The following COL25A1 variants were observed in gnomAD, a reference collection of about 807,000 sequenced individuals.
The protein encoded by COL25A1 is collagen alpha-1(XXV) chain.
In COL25A1, 103 loss-of-function variants were observed where a neutral mutation model predicts 128.4. The observed-to-expected ratio is 0.80, with a 90% CI of 0.68 to 0.94. The LOEUF is 0.94. Among genes scored for constraint, COL25A1 ranks in the 40% least tolerant of loss-of-function variants. The probability of loss-of-function intolerance (pLI) is 0.00; values close to 1 mark genes in which losing one functional copy is unlikely to be tolerated. For synonymous variants in COL25A1, 279 were observed against 277.2 expected, an observed-to-expected ratio of 1.01 and a Z score of -0.06; for missense variants, 745 against 840.0, an observed-to-expected ratio of 0.89 and a Z score of 1.40.
intron 3 of COL25A1, among the ~76,000 whole-genome samples, chr4:109,238,354 T>C (rs1322004482): frequency 6.6e-6 from 1 of 152,018 alleles, no homozygotes; most frequent in Non-Finnish European, 1.5e-5. Context: ...TTTTGGCCCA[T>C]TATGATAATC....
chr4:109,087,532 C>T (rs1320875938), intron 3 of COL25A1, among the ~76,000 whole-genome samples: 1 of 152,134 alleles, frequency 6.6e-6, no homozygotes, highest in African/African-American at 2.4e-5. Flanking sequence ...TACATGCACA[C>T]ATCAAGAAAT....
intron 3 of COL25A1, among the ~76,000 whole-genome samples, chr4:109,075,288 C>A (rs1763285482): frequency 6.6e-6 from 1 of 151,904 alleles, no homozygotes; most frequent in Non-Finnish European, 1.5e-5. Flanking sequence ...CACTTTCTTT[C>A]CTATTATAAT....
intron 31 of COL25A1, among the ~76,000 whole-genome samples, chr4:108,836,215 T>A (rs188414898): frequency 6.6e-6 from 1 of 152,220 alleles, no homozygotes; most frequent in East Asian, 1.9e-4. Flanking sequence ...AAATATATAT[T>A]GTTGTTCATT....
chr4:108,872,953 T>C (rs1036922188), intron 19 of COL25A1, among the ~76,000 whole-genome samples: 1 of 152,034 alleles, frequency 6.6e-6, no homozygotes, highest in African/African-American at 2.4e-5. Flanking sequence ...AGTTCAGTGG[T>C]ATGATCATGG....
At chr4:108,948,008 T>G (rs557121504) in intron 8 of COL25A1, among the ~76,000 whole-genome samples, 1 of 152,330 alleles carries the variant, frequency 6.6e-6, no homozygotes, top group South Asian at 2.1e-4. Context: ...CATCATGCAT[T>G]ACAACACGAC....
intron 3 of COL25A1, among the ~76,000 whole-genome samples, chr4:109,206,304 A>T (rs139595057): frequency 9.1e-4 from 139 of 152,282 alleles, no homozygotes; most frequent in East Asian, 5.8e-3. Context: ...TGTGGCTCTC[A>T]GGTTTCCCCA....
chr4:109,133,331 T>C (rs1367534252), intron 3 of COL25A1, among the ~76,000 whole-genome samples: 1 of 152,092 alleles, frequency 6.6e-6, no homozygotes, highest in Non-Finnish European at 1.5e-5. Context: ...TAGACCTTAT[T>C]GTAATATTAT....
At chr4:108,915,277 C>T (rs1372126773) in intron 13 of COL25A1, among the ~76,000 whole-genome samples, 3 of 152,170 alleles carry the variant, frequency 2.0e-5, no homozygotes, top group African/African-American at 4.8e-5. Context: ...GTGCTAAGGC[C>T]ATCACCTATT....
At chr4:108,818,747 G>T (rs1472165369) in intron 36 of COL25A1, among the ~76,000 whole-genome samples, 3 of 152,080 alleles carry the variant, frequency 2.0e-5, no homozygotes, top group Non-Finnish European at 2.9e-5. Flanking sequence ...CTTCTTTGTG[G>T]TCTCTTAAAG....
At chr4:108,936,160 G>T (rs1747376400) in intron 11 of COL25A1, among the ~76,000 whole-genome samples, 1 of 152,138 alleles carries the variant, frequency 6.6e-6, no homozygotes. Context: ...GAGAGCTAAT[G>T]CTGCACTTGT....
At chr4:108,899,319 T>C (rs1742548596) in intron 14 of COL25A1, 139 bp from the exon 15 acceptor site, 1 of 635,584 alleles carries the variant, frequency 1.6e-6, no homozygotes, top group Non-Finnish European at 2.7e-6. Context: ...GCAGTTGCTA[T>C]ATGAAAACAA....
intron 19 of COL25A1, among the ~76,000 whole-genome samples, chr4:108,872,995 G>T (rs1341655575): frequency 6.6e-6 from 1 of 151,828 alleles, no homozygotes; most frequent in South Asian, 2.1e-4. Flanking sequence ...TGGGCTCAAA[G>T]GATCGTCCCA....
intron 5 of COL25A1, among the ~76,000 whole-genome samples, chr4:109,040,780 G>C (rs969453292): frequency 2.0e-5 from 3 of 151,252 alleles, no homozygotes; most frequent in Non-Finnish European, 3.0e-5. Flanking sequence ...TAATAGCAAA[G>C]GCTTTAAAAC....
intron 3 of COL25A1, among the ~76,000 whole-genome samples, chr4:109,129,649 G>A (rs2126066380): frequency 6.6e-6 from 1 of 152,256 alleles, no homozygotes; most frequent in South Asian, 2.1e-4. Context: ...ACTGAAACCT[G>A]GGCCAGGCTA....
chr4:108,869,221 T>TAAAA (rs72533223), intron 19 of COL25A1, 71 bp from the exon 20 acceptor site: 14 of 302,754 alleles, frequency 4.6e-5, no homozygotes, highest in Non-Finnish European at 6.6e-5. Flanking sequence ...AATAAATAAA[T>TAAAA]AAAAACTAAA....
intron 6 of COL25A1, among the ~76,000 whole-genome samples, chr4:108,977,614 T>G (rs12152701): frequency 0.2 from 30,557 of 152,186 alleles, 3,200 homozygotes; most frequent in Non-Finnish European, 0.23. Flanking sequence ...TTAAGTAGCA[T>G]GTTAGTTAAC....
At chr4:109,251,671 G>A (rs997744508) in intron 3 of COL25A1, among the ~76,000 whole-genome samples, 1 of 152,152 alleles carries the variant, frequency 6.6e-6, no homozygotes, top group Non-Finnish European at 1.5e-5. Flanking sequence ...CCCGATAGAA[G>A]CATTCTTCCT....
rs934293158 is a variant in COL25A1 at position 109,021,968 on chromosome 4, C to T, written c.421-11593G>A. Among the ~76,000 whole-genome samples, 4 of 152,220 alleles carry T rather than the reference C, an allele frequency of 2.6e-5. No individual in the cohort carries two copies. The South Asian group carries it at 8.3e-4, about 32-fold the overall frequency. ...TCTGTTTATCAAGACAATACGTGCA[C>T]TGCTGAACATAGACCCTTATCAGGA... On this transcript the variant is annotated intron_variant, in intron 5 of 37. Coordinates refer to ENST00000399132, the MANE Select transcript of COL25A1 (RefSeq NM_198721.4).
At chr4:108,841,420 G>C (rs1734447896) in intron 31 of COL25A1, among the ~76,000 whole-genome samples, 1 of 151,964 alleles carries the variant, frequency 6.6e-6, no homozygotes. Flanking sequence ...ACTTCTAAAT[G>C]GTTGACTTGA....
Sources: allele counts gnomAD v4.1 joint callset (sites outside exome capture counted in the v4.1 genomes callset), GRCh38; gene constraint gnomAD v4.1.1; transcripts MANE v1.5; gene names NCBI Gene and HGNC (gene_info 2026-07-23, HGNC 2026-07-21).